The following ULK4 variants were observed in gnomAD, a reference collection of about 807,000 sequenced individuals.
ULK4 encodes unc-51 like kinase 4.
Under a neutral mutation model 160.6 loss-of-function variants are expected in ULK4, and 133 were observed. The observed-to-expected ratio is 0.83, with a 90% confidence interval of 0.72 to 0.96. The LOEUF (loss-of-function observed/expected upper bound fraction) is 0.96. ULK4 is among the 40% of genes least tolerant of loss of function. The pLI, the probability that ULK4 is intolerant of heterozygous loss-of-function variation, is 0.00. For synonymous variants in ULK4, 534 were observed against 539.8 expected (o/e 0.99, Z 0.15); for missense variants, 1,580 against 1,499.5 (o/e 1.05, Z -0.89).
At chr3:41,572,863 A>G (rs931368955) in intron 31 of ULK4, among the ~76,000 whole-genome samples, 17 of 152,248 alleles carry the variant, frequency 1.1e-4, no homozygotes, top group South Asian at 4.1e-4. Flanking sequence ...CAAAATAAAA[A>G]TACGTACTAG....
intron 31 of ULK4, among the ~76,000 whole-genome samples, chr3:41,581,643 C>A (rs375830625): frequency 6.6e-6 from 1 of 152,202 alleles, no homozygotes; most frequent in South Asian, 2.1e-4. Flanking sequence ...GCCAGGCCCA[C>A]CCCAGGTCCT....
At chr3:41,312,567 T>TG (rs2080071204) in intron 35 of ULK4, among the ~76,000 whole-genome samples, 1 of 151,992 alleles carries the variant, frequency 6.6e-6, no homozygotes, top group Non-Finnish European at 1.5e-5. Context: ...AGTCCAAGGC[T>TG]GGGGGATGCC....
At chr3:41,453,517 T>A (rs2083470332) in intron 34 of ULK4, among the ~76,000 whole-genome samples, 1 of 152,202 alleles carries the variant, frequency 6.6e-6, no homozygotes, top group Admixed American at 6.5e-5. Flanking sequence ...GAACACATAC[T>A]ATATGCCAGG....
chr3:41,599,050 G>A (rs920451799), intron 31 of ULK4, among the ~76,000 whole-genome samples: 1 of 152,136 alleles, frequency 6.6e-6, no homozygotes, highest in African/African-American at 2.4e-5. Flanking sequence ...CTAGCCAATG[G>A]CCACTTGAGT....
intron 35 of ULK4, among the ~76,000 whole-genome samples, chr3:41,327,755 G>A (rs6787589): frequency 0.018 from 2,715 of 152,196 alleles, 66 homozygotes; most frequent in African/African-American, 0.062. Context: ...TCCTGCCCCA[G>A]CAACCCAAAC....
At chr3:41,799,561 G>A (rs1276327060) in intron 20 of ULK4, among the ~76,000 whole-genome samples, 1 of 151,934 alleles carries the variant, frequency 6.6e-6, no homozygotes, top group Non-Finnish European at 1.5e-5. Flanking sequence ...TTCTACTATC[G>A]CCTCTAAATT....
intron 5 of ULK4, among the ~76,000 whole-genome samples, chr3:41,929,303 A>G (rs1699496375): frequency 6.6e-6 from 1 of 152,234 alleles, no homozygotes; most frequent in African/African-American, 2.4e-5. Context: ...GCTTCATGCT[A>G]AAAACTCTCA....
At chr3:41,280,144 C>T (rs2079322613) in intron 35 of ULK4, among the ~76,000 whole-genome samples, 1 of 152,142 alleles carries the variant, frequency 6.6e-6, no homozygotes, top group South Asian at 2.1e-4. Flanking sequence ...TACAGGAGCA[C>T]CCAGATTCAT....
chr3:41,670,384 A>C (rs1363906494), intron 29 of ULK4, among the ~76,000 whole-genome samples: 1 of 152,194 alleles, frequency 6.6e-6, no homozygotes, highest in African/African-American at 2.4e-5. Context: ...GGTATAAATT[A>C]AACAATGGTT....
At chr3:41,471,381 T>C (rs1371817695) in intron 32 of ULK4, among the ~76,000 whole-genome samples, 3 of 152,262 alleles carry the variant, frequency 2.0e-5, no homozygotes, top group Admixed American at 6.5e-5. Flanking sequence ...AATGGAGAGA[T>C]AGACTGCAAT....
chr3:41,601,522 G>A (rs924447148), intron 31 of ULK4, among the ~76,000 whole-genome samples: 7 of 151,974 alleles, frequency 4.6e-5, no homozygotes, highest in African/African-American at 1.7e-4. Flanking sequence ...AGGGTGAGAG[G>A]GAAACAGGGG....
At chr3:41,448,716 G>A (rs12054018) in intron 34 of ULK4, among the ~76,000 whole-genome samples, 31,669 of 151,932 alleles carry the variant, frequency 0.21, 3,841 homozygotes, top group East Asian at 0.57. Context: ...AGTCTGTAAC[G>A]TGTGATGTGT....
In ULK4 at chr3:41,387,116, C is replaced by T. The variant is rs77087894; in HGVS notation, c.3678+10963G>A. Among the ~76,000 whole-genome samples, 1,017 of 152,132 alleles carry T rather than the reference C, an allele frequency of 6.7e-3. 4 individuals are homozygous for T. Among genetic ancestry groups the T allele is most frequent in the African/African-American group, 0.015 (626 of 41,520 alleles). ...GACTTTAAAAAAAATTGGCAAATAA[C>T]TACTGTATAAATTCATGGGGTACAC... On this transcript the variant is annotated intron_variant, in intron 35 of 36. Coordinates refer to ENST00000301831, the MANE Select transcript of ULK4 (RefSeq NM_017886.4).
At chr3:41,268,577 G>A (rs1232900094) in intron 35 of ULK4, among the ~76,000 whole-genome samples, 3 of 151,968 alleles carry the variant, frequency 2.0e-5, no homozygotes, top group African/African-American at 4.8e-5. Context: ...AGACCGAGGC[G>A]GGCAGATCAT....
At chr3:41,653,545 A>G (rs2034825482) in intron 30 of ULK4, among the ~76,000 whole-genome samples, 1 of 152,236 alleles carries the variant, frequency 6.6e-6, no homozygotes, top group Admixed American at 6.5e-5. Context: ...GATGATCTCC[A>G]AAGTTCCATC....
chr3:41,461,529 A>G (rs375923750), intron 33 of ULK4, among the ~76,000 whole-genome samples: 5 of 152,320 alleles, frequency 3.3e-5, no homozygotes, highest in African/African-American at 9.6e-5. Context: ...CATGGCAGAT[A>G]TTATGAGGGA....
chr3:41,721,287 G>GTTTTTTTTTTGTTTTTTTTT (rs1559507507), intron 22 of ULK4, among the ~76,000 whole-genome samples: 1 of 68,830 alleles, frequency 1.5e-5, no homozygotes. Flanking sequence ...TTTTTTTTGG[G>GTTTTTTTTTTGTTTTTTTTT]TTTTGAACCA....
chr3:41,847,589 C>T (rs1383851165), intron 17 of ULK4, among the ~76,000 whole-genome samples: 1 of 152,206 alleles, frequency 6.6e-6, no homozygotes, highest in African/African-American at 2.4e-5. Context: ...AGGCATTCCA[C>T]AATCCCAAAT....
intron 29 of ULK4, among the ~76,000 whole-genome samples, chr3:41,675,641 G>C (rs544691237): frequency 6.6e-6 from 1 of 151,924 alleles, no homozygotes; most frequent in Non-Finnish European, 1.5e-5. Context: ...ATTTAGGATC[G>C]GCCCTAAATC....
Sources: gnomAD v4.1 joint callset for allele counts (sites outside exome capture counted in the v4.1 genomes callset) on GRCh38, gnomAD v4.1.1 for gene constraint, MANE v1.5 for transcripts, NCBI Gene and HGNC (gene_info 2026-07-23, HGNC 2026-07-21) for gene names.